Variants in DGKB observed in about 807,000 individuals in gnomAD.
The protein encoded by DGKB is 90 kDa diacylglycerol kinase.
In DGKB, 67 loss-of-function variants were observed where a neutral mutation model predicts 114.3. That is an observed-to-expected ratio of 0.59 (90% CI 0.48 to 0.72). The LOEUF (loss-of-function observed/expected upper bound fraction) is 0.72. Ranked by LOEUF, DGKB falls within the 30% of genes least tolerant of loss-of-function variation. The pLI is 0.00. For synonymous variants in DGKB, 398 were observed against 323.1 expected, an observed-to-expected ratio of 1.23 and a Z score of -2.49; for missense variants, 907 against 975.2, an observed-to-expected ratio of 0.93 and a Z score of 0.93.
chr7:14,581,081 G>T (rs73680454), intron 18 of DGKB, 130 bp from the exon 19 acceptor site: 657 of 510,862 alleles, frequency 1.3e-3, no homozygotes, highest in African/African-American at 0.01. Context: ...CATAATTGTA[G>T]TTTTAGATAT....
intron 6 of DGKB, among the ~76,000 whole-genome samples, chr7:14,708,642 G>T (rs886189244): frequency 7.9e-5 from 12 of 151,428 alleles, no homozygotes; most frequent in African/African-American, 2.9e-4. Context: ...ACAGAACAGA[G>T]CCCTCAGAAA....
At chr7:14,647,315 T>C (rs563052525) in intron 13 of DGKB, among the ~76,000 whole-genome samples, 189 of 151,908 alleles carry the variant, frequency 1.2e-3, no homozygotes, top group African/African-American at 4.1e-3. Context: ...GAATCAGAAA[T>C]AAAAAGTCTC....
chr7:14,652,259 T>A (rs371411664), intron 13 of DGKB, among the ~76,000 whole-genome samples: 1 of 151,854 alleles, frequency 6.6e-6, no homozygotes, highest in Admixed American at 6.6e-5. Context: ...ATACTACAAG[T>A]CTACAGTAAC....
chr7:14,428,652 G>A (rs1827956093), intron 21 of DGKB, among the ~76,000 whole-genome samples: 1 of 152,120 alleles, frequency 6.6e-6, no homozygotes, highest in South Asian at 2.1e-4. Context: ...AATTGGGACT[G>A]TTAAGTGCAG....
At chr7:14,251,982 T>C (rs926217077) in intron 23 of DGKB, among the ~76,000 whole-genome samples, 5 of 152,212 alleles carry the variant, frequency 3.3e-5, no homozygotes, top group Non-Finnish European at 5.9e-5. Flanking sequence ...TGAAGATCTT[T>C]ATGTTTAATC....
rs1034869379 is a variant in DGKB, at chr7:14,867,034, T to C, written c.-187-25584A>G. ...TTTAACATCTGTATATTTTCTTTGG[T>C]TAAGTGTCTGCTAAAGTCTTTGGCC... On this transcript the variant is annotated intron_variant, in intron 1 of 25. Transcript: ENST00000402815. Among the ~76,000 whole-genome samples, 3 of 152,220 alleles carry C rather than the reference T, an allele frequency of 2.0e-5. No individual in the cohort carries two copies. The South Asian group carries it at 6.2e-4, about 31-fold the overall frequency.
chr7:14,893,145 G>A (rs766130168), intron 1 of DGKB, among the ~76,000 whole-genome samples: 9 of 151,172 alleles, frequency 6.0e-5, no homozygotes, highest in Non-Finnish European at 1.0e-4. Context: ...CTTTGAATGA[G>A]TCACTCTGTC....
chr7:14,527,533 A>G (rs1790839063), intron 20 of DGKB, among the ~76,000 whole-genome samples: 1 of 152,136 alleles, frequency 6.6e-6, no homozygotes, highest in Non-Finnish European at 1.5e-5. Flanking sequence ...CAAGAACATT[A>G]GAGTTAGAAT....
At chr7:14,389,289 G>A (rs1820941209) in intron 21 of DGKB, among the ~76,000 whole-genome samples, 1 of 152,198 alleles carries the variant, frequency 6.6e-6, no homozygotes, top group East Asian at 1.9e-4. Context: ...AATGCTCCAT[G>A]TGAGCCTTGC....
chr7:14,609,457 AC>A (rs1805120823), intron 16 of DGKB, among the ~76,000 whole-genome samples: 1 of 152,008 alleles, frequency 6.6e-6, no homozygotes, highest in South Asian at 2.1e-4. Context: ...CCTAGGAAAT[AC>A]CCCACGTGAC....
intron 23 of DGKB, among the ~76,000 whole-genome samples, chr7:14,242,502 G>A (rs1793827428): frequency 6.6e-6 from 1 of 152,162 alleles, no homozygotes; most frequent in Admixed American, 6.5e-5. Flanking sequence ...GGAGAGCTGT[G>A]AGACCTGCTT....
chr7:14,692,694 T>C (rs927491214), intron 9 of DGKB, among the ~76,000 whole-genome samples: 12 of 150,806 alleles, frequency 8.0e-5, no homozygotes, highest in Admixed American at 1.3e-4. Flanking sequence ...ATAATATATA[T>C]ATTATATTTT....
intron 19 of DGKB, among the ~76,000 whole-genome samples, 167 bp downstream of exon 19, chr7:14,580,695 A>G (rs762950894): frequency 6.6e-6 from 1 of 152,102 alleles, no homozygotes; most frequent in African/African-American, 2.4e-5. Context: ...TTTTTCCACT[A>G]TTTGTTCTTC....
intron 6 of DGKB, among the ~76,000 whole-genome samples, chr7:14,705,913 A>G (rs1180081666): frequency 6.6e-6 from 1 of 152,140 alleles, no homozygotes; most frequent in African/African-American, 2.4e-5. Flanking sequence ...TCAAATAACG[A>G]GCAAAATCAC....
intron 2 of DGKB, among the ~76,000 whole-genome samples, chr7:14,784,557 G>C (rs1369244057): frequency 4.0e-5 from 6 of 151,866 alleles, no homozygotes; most frequent in Admixed American, 6.6e-5. Flanking sequence ...ATTTTTAGTA[G>C]AGATGTGGTT....
At chr7:14,294,525 G>T (rs1207212307) in intron 23 of DGKB, among the ~76,000 whole-genome samples, 1 of 152,180 alleles carries the variant, frequency 6.6e-6, no homozygotes, top group Non-Finnish European at 1.5e-5. Flanking sequence ...AGAACTGTTG[G>T]AATATTGCAA....
intron 23 of DGKB, among the ~76,000 whole-genome samples, chr7:14,237,695 T>C (rs1793014613): frequency 6.6e-6 from 1 of 152,040 alleles, no homozygotes; most frequent in Non-Finnish European, 1.5e-5. Context: ...ATCAATAATA[T>C]GATTACCTAA....
chr7:14,608,486 T>C (rs1305383953), intron 16 of DGKB, among the ~76,000 whole-genome samples: 1 of 152,046 alleles, frequency 6.6e-6, no homozygotes, highest in East Asian at 1.9e-4. Context: ...AACAGCACAC[T>C]GAATGAGCAA....
upstream of DGKB, among the ~76,000 whole-genome samples, chr7:14,904,591 C>G (rs1336257872): frequency 6.6e-6 from 1 of 152,148 alleles, no homozygotes; most frequent in East Asian, 1.9e-4. Flanking sequence ...AATTATCCAA[C>G]AAATATCAAT....
Sources: gnomAD v4.1 joint callset for allele counts (sites outside exome capture counted in the v4.1 genomes callset) on GRCh38, gnomAD v4.1.1 for gene constraint, MANE v1.5 for transcripts, NCBI Gene and HGNC (gene_info 2026-07-23, HGNC 2026-07-21) for gene names.